TBXAS1: variants seen among roughly 807,000 people sequenced by gnomAD.
TBXAS1 encodes the protein thromboxane A synthase 1, also known as thromboxane-A synthase.
TBXAS1 carries 48 observed loss-of-function variants against 60.7 expected under a neutral mutation model. The observed-to-expected ratio is 0.79, with a 90% CI of 0.63 to 1.01. The LOEUF (loss-of-function observed/expected upper bound fraction) is 1.01, where lower values mean the gene tolerates loss of function less well. Among genes scored for constraint, TBXAS1 ranks in the 50% least tolerant of loss-of-function variants. TBXAS1 has a pLI of 0.00. For synonymous variants in TBXAS1, 287 were observed against 269.7 expected (o/e 1.06, Z -0.63); for missense variants, 685 against 686.3 (o/e 1.00, Z 0.02).
intron 5 of TBXAS1, among the ~76,000 whole-genome samples, chr7:139,945,454 G>A (rs2117256735): frequency 6.6e-6 from 1 of 152,352 alleles, no homozygotes; most frequent in East Asian, 1.9e-4. Flanking sequence ...CATGCTAAGA[G>A]ACAGTGCCTC....
chr7:139,799,014 A>G (rs915552148), intron 4 of TBXAS1, among the ~76,000 whole-genome samples: 1 of 150,382 alleles, frequency 6.6e-6, no homozygotes, highest in South Asian at 2.1e-4. Flanking sequence ...GCCGTCAGAC[A>G]TTAGCACCAT....
intron 3 of TBXAS1, among the ~76,000 whole-genome samples, chr7:139,785,632 T>C (rs1308044814): frequency 3.3e-5 from 5 of 152,130 alleles, no homozygotes; most frequent in African/African-American, 1.2e-4. Context: ...CCCTCGTCTT[T>C]AATTCACATA....
chr7:140,017,738 A>G lies in TBXAS1; in HGVS notation c.1432A>G (p.Ser478Gly). Reference protein sequence around the residue: ...TYLPFGAGPRSCLGVRLGLLE... With the variant: ...TYLPFGAGPRGCLGVRLGLLE... ...CCTGCCCTTCGGGGCCGGCCCACGG[A>G]GCTGCCTCGGGGTGCGTCTAGGGCT... The change falls in exon 12 of 13, where the codon AGC becomes GGC. Residue 478 changes from serine (S) to glycine (G), a missense_variant. Coordinates refer to ENST00000448866, the MANE Select transcript of TBXAS1 (RefSeq NM_001061.7). The G allele has an allele frequency of 6.2e-7, 1 of 1,614,034 alleles. No homozygotes were observed. Among genetic ancestry groups the G allele is most frequent in the Non-Finnish European group, 8.5e-7 (1 of 1,179,956 alleles).
intron 4 of TBXAS1, among the ~76,000 whole-genome samples, chr7:139,813,070 AAAAT>A (rs1460869757): frequency 2.6e-4 from 26 of 99,710 alleles, no homozygotes; most frequent in South Asian, 2.4e-3. Context: ...TAAATAAAAT[AAAAT>A]AAATAAAATA....
intron 5 of TBXAS1, among the ~76,000 whole-genome samples, chr7:139,948,962 C>T (rs966362069): frequency 2.0e-5 from 3 of 152,208 alleles, no homozygotes; most frequent in Non-Finnish European, 4.4e-5. Context: ...CTTTTTAAAA[C>T]ATTTTTCATA....
chr7:139,925,193 A>T (rs2117126036), intron 4 of TBXAS1, among the ~76,000 whole-genome samples: 1 of 152,290 alleles, frequency 6.6e-6, no homozygotes, highest in South Asian at 2.1e-4. Context: ...TTCTGTGAGG[A>T]ATGTCACATA....
At chr7:139,957,157 C>A (rs1376205296) in intron 7 of TBXAS1, among the ~76,000 whole-genome samples, 1 of 152,240 alleles carries the variant, frequency 6.6e-6, no homozygotes, top group Non-Finnish European at 1.5e-5. Flanking sequence ...GCTGCAGTGG[C>A]AGCTCTTGGG....
chr7:139,798,695 C>G (rs539417791), intron 4 of TBXAS1, among the ~76,000 whole-genome samples: 1 of 152,168 alleles, frequency 6.6e-6, no homozygotes, highest in Non-Finnish European at 1.5e-5. Flanking sequence ...TGTTCCTGAT[C>G]GTGACCCTGA....
chr7:139,807,905 A>C (rs1351129635), intron 4 of TBXAS1, among the ~76,000 whole-genome samples: 1 of 152,168 alleles, frequency 6.6e-6, no homozygotes, highest in Non-Finnish European at 1.5e-5. Flanking sequence ...ATTTGCTGAC[A>C]TCTGTGGTGT....
At chr7:139,829,082 G>A (rs1798536293), upstream of TBXAS1, 1 of 449,410 alleles carries the variant, frequency 2.2e-6, no homozygotes, top group African/African-American at 2.0e-5. Flanking sequence ...TTGTTTCTCA[G>A]CAAACATGGG....
intron 4 of TBXAS1, among the ~76,000 whole-genome samples, chr7:139,934,114 G>T (rs2117179959): frequency 1.3e-5 from 2 of 152,124 alleles, no homozygotes; most frequent in Admixed American, 1.3e-4. Context: ...CCATCTAGTT[G>T]TTAGCTTATG....
intron 1 of TBXAS1, among the ~76,000 whole-genome samples, chr7:139,854,160 G>T (rs1304606970): frequency 3.3e-5 from 5 of 152,010 alleles, no homozygotes. Context: ...AGCCCTGAGA[G>T]TGAGGACCTC....
At chr7:139,805,716 C>CTTTCTTTCTTTCTT (rs1275760230) in intron 4 of TBXAS1, among the ~76,000 whole-genome samples, 1 of 86,358 alleles carries the variant, frequency 1.2e-5, no homozygotes, top group African/African-American at 6.0e-5. Flanking sequence ...CTTTCTTTCT[C>CTTTCTTTCTTTCTT]TCTCTCTCTC....
chr7:139,791,823 T>C (rs1797393260), intron 4 of TBXAS1, among the ~76,000 whole-genome samples: 1 of 149,332 alleles, frequency 6.7e-6, no homozygotes, highest in Non-Finnish European at 1.5e-5. Flanking sequence ...TTTTTTTTTT[T>C]TCATTTCTTG....
At chr7:139,868,578 A>C (rs1357770349) in intron 1 of TBXAS1, among the ~76,000 whole-genome samples, 2 of 150,854 alleles carry the variant, frequency 1.3e-5, no homozygotes, top group East Asian at 3.9e-4. Context: ...CAAACTCCTG[A>C]GCTCAAGTGA....
chr7:140,018,966 G>A (rs35157776), intron 12 of TBXAS1, among the ~76,000 whole-genome samples: 10,513 of 152,222 alleles, frequency 0.069, 422 homozygotes, highest in South Asian at 0.13. Flanking sequence ...TCTGCACAGC[G>A]TTAGCTATTC....
intron 9 of TBXAS1, among the ~76,000 whole-genome samples, chr7:139,987,441 C>CG (rs1255506547): frequency 2.0e-5 from 3 of 152,102 alleles, no homozygotes; most frequent in African/African-American, 7.2e-5. Context: ...TAAGACTGGC[C>CG]GACAGCTCTG....
chr7:139,813,989 T>C (rs1331251356), intron 4 of TBXAS1, among the ~76,000 whole-genome samples: 1 of 152,210 alleles, frequency 6.6e-6, no homozygotes, highest in African/African-American at 2.4e-5. Context: ...TTGGATTGGC[T>C]TTCTTTTGGA....
chr7:139,911,661 G>A (rs1805534611), intron 4 of TBXAS1, among the ~76,000 whole-genome samples: 1 of 152,210 alleles, frequency 6.6e-6, no homozygotes, highest in African/African-American at 2.4e-5. Context: ...AATGAGCTAG[G>A]CTAATAAATA....
Sources: gnomAD v4.1 joint callset for allele counts (sites outside exome capture counted in the v4.1 genomes callset) on GRCh38, gnomAD v4.1.1 for gene constraint, MANE v1.5 for transcripts, NCBI Gene and HGNC (gene_info 2026-07-23, HGNC 2026-07-21) for gene names.